The following FLACC1 variants were observed in gnomAD, a reference collection of about 807,000 sequenced individuals.
FLACC1 encodes the protein flagellum-associated coiled-coil domain-containing protein 1.
In FLACC1, 66 loss-of-function variants were observed where a neutral mutation model predicts 62.8. The observed-to-expected ratio is 1.05, with a 90% CI of 0.86 to 1.29. The LOEUF is 1.29. FLACC1 is among the 50% of genes most tolerant of loss of function. The pLI, the probability that FLACC1 is intolerant of heterozygous loss-of-function variation, is 0.00. For synonymous variants in FLACC1, 156 were observed against 161.0 expected (o/e 0.97, Z 0.24); for missense variants, 452 against 489.1 (o/e 0.92, Z 0.71).
At chr2:201,312,331 T>C (rs1015101563) in intron 9 of FLACC1, among the ~76,000 whole-genome samples, 1 of 152,146 alleles carries the variant, frequency 6.6e-6, no homozygotes, top group African/African-American at 2.4e-5. Flanking sequence ...CCATTCACTA[T>C]AGACACAAAA....
intron 5 of FLACC1, among the ~76,000 whole-genome samples, chr2:201,345,499 T>C (rs1477768474): frequency 1.3e-5 from 2 of 151,808 alleles, no homozygotes; most frequent in Non-Finnish European, 2.9e-5. Context: ...TGTGTGTGTG[T>C]TTTCTATTGT....
intron 12 of FLACC1, among the ~76,000 whole-genome samples, chr2:201,296,564 A>G (rs2349072): frequency 0.2 from 30,429 of 151,152 alleles, 3,333 homozygotes; most frequent in South Asian, 0.3. Flanking sequence ...CTAATGTTAA[A>G]TGACGAGTTA....
At chr2:201,339,462 T>C (rs1950762675) in intron 7 of FLACC1, among the ~76,000 whole-genome samples, 1 of 152,126 alleles carries the variant, frequency 6.6e-6, no homozygotes, top group African/African-American at 2.4e-5. Flanking sequence ...ATTTTGGGCT[T>C]GGTTTTCCAA....
At chr2:201,304,510 G>C (rs1171977172) in intron 11 of FLACC1, among the ~76,000 whole-genome samples, 1 of 152,094 alleles carries the variant, frequency 6.6e-6, no homozygotes, top group Non-Finnish European at 1.5e-5. Context: ...TACTGCCCAA[G>C]GTAATTTACA....
At chr2:201,318,939 AGG>A (rs1950350983) in intron 9 of FLACC1, among the ~76,000 whole-genome samples, 2 of 69,998 alleles carry the variant, frequency 2.9e-5, no homozygotes, top group African/African-American at 6.2e-5. Flanking sequence ...TTGGGGACTC[AGG>A]GGGAAAGAGT....
intron 9 of FLACC1, among the ~76,000 whole-genome samples, chr2:201,327,121 T>C (rs1291146814): frequency 6.6e-6 from 1 of 152,132 alleles, no homozygotes; most frequent in Admixed American, 6.6e-5. Context: ...GCAAGCCACA[T>C]GTAGAAAAAT....
At position 201,348,257 on chromosome 2, in the gene FLACC1, A is replaced by G. The variant is rs754805579; in HGVS notation, c.231T>C (p.Phe77=). The change falls in exon 4 of 15, where the codon TTT becomes TTC. Residue 77 remains phenylalanine, a synonymous_variant. Transcript: ENST00000392257. Reference sequence around the variant, plus strand: ...GCCCTCTCCTGCCTTTACTCACATAAAATGATTTATTAGTCTCTTCTTGCC... The same window carrying G: ...GCCCTCTCCTGCCTTTACTCACATAGAATGATTTATTAGTCTCTTCTTGCC... The part of the protein sequence containing the change: ...SARQEETNKS[F]YEVINVSPGY... The G allele has an allele frequency of 5.1e-5, 83 of 1,612,846 alleles. No homozygotes were observed. Among genetic ancestry groups the G allele is most frequent in the East Asian group, 1.3e-4 (6 of 44,834 alleles).
intron 1 of FLACC1, among the ~76,000 whole-genome samples, chr2:201,355,254 C>T (rs1404074152): frequency 1.3e-5 from 2 of 152,162 alleles, no homozygotes; most frequent in African/African-American, 2.4e-5. Context: ...CACTGCACTC[C>T]AGCCTGGATG....
chr2:201,346,758 C>A lies in FLACC1; in HGVS notation c.235-83G>T. 6.4e-7 allele frequency: 1 copy of A among 1,569,040 alleles called. No homozygotes were observed. Among genetic ancestry groups the A allele is most frequent in the East Asian group, 2.2e-5 (1 of 44,602 alleles). ...AAATCTTCTCTTATTGCCTCACTCA[C>A]ATCTTAAAAACAGGGACCTGGGACT... On this transcript the variant is annotated intron_variant, in intron 4 of 14. Transcript: ENST00000392257. This position sits in a 1 kb window ranked among gnomAD's most constrained non-coding sequence, Gnocchi z 4.0.
chr2:201,296,104 C>T (rs1487822263), intron 12 of FLACC1, among the ~76,000 whole-genome samples: 8 of 152,098 alleles, frequency 5.3e-5, no homozygotes, highest in Admixed American at 4.6e-4. Flanking sequence ...GTCAGTGTGG[C>T]GATTCCTCAG....
chr2:201,311,500 T>C (rs1280192134), intron 9 of FLACC1, among the ~76,000 whole-genome samples: 1 of 151,996 alleles, frequency 6.6e-6, no homozygotes, highest in Non-Finnish European at 1.5e-5. Context: ...GTCAGGAGAA[T>C]TGCTTGAGCC....
intron 11 of FLACC1, among the ~76,000 whole-genome samples, chr2:201,304,519 C>T (rs1258022227): frequency 2.6e-5 from 4 of 152,092 alleles, no homozygotes; most frequent in Non-Finnish European, 4.4e-5. Context: ...AGGTAATTTA[C>T]AGATTCAATG....
Position 201,296,590 on chromosome 2 carries a change from C to T in FLACC1, c.942+2648G>A, listed in dbSNP as rs181157319. ...TGACGAGTTACTGGGTGCAGCACACCAACATGGCACATGTATACATATGTA... is the reference window on the plus strand; with the variant it reads ...TGACGAGTTACTGGGTGCAGCACACTAACATGGCACATGTATACATATGTA... On this transcript the variant is annotated intron_variant, in intron 12 of 14. Coordinates refer to ENST00000392257, the MANE Select transcript of FLACC1 (RefSeq NM_001127391.3). Among the ~76,000 whole-genome samples, 5 of 151,928 alleles carry T rather than the reference C, an allele frequency of 3.3e-5. No individual in the cohort carries two copies. The East Asian group carries it at 9.7e-4, about 29-fold the overall frequency.
At chr2:201,342,288 T>C in intron 7 of FLACC1, 82 bp downstream of exon 7, 3 of 1,406,890 alleles carry the variant, frequency 2.1e-6, no homozygotes, top group Non-Finnish European at 3.0e-6. Flanking sequence ...CTATTTGAAG[T>C]CCCAGTGAAC....
chr2:201,354,252 T>C (rs1035533315), intron 1 of FLACC1, among the ~76,000 whole-genome samples: 1 of 152,198 alleles, frequency 6.6e-6, no homozygotes, highest in African/African-American at 2.4e-5. Flanking sequence ...CTGTGAGTCC[T>C]GTGCTAGATG....
intron 3 of FLACC1, among the ~76,000 whole-genome samples, chr2:201,348,894 C>A (rs925645532): frequency 6.6e-6 from 1 of 152,180 alleles, no homozygotes; most frequent in African/African-American, 2.4e-5. Context: ...TTGCATCACT[C>A]CAACCTCTGC....
chr2:201,304,790 C>T (rs1478768095), intron 11 of FLACC1, among the ~76,000 whole-genome samples: 1 of 152,154 alleles, frequency 6.6e-6, no homozygotes, highest in Non-Finnish European at 1.5e-5. Context: ...GCATCTACAA[C>T]AATCTGATCT....
intron 7 of FLACC1, among the ~76,000 whole-genome samples, chr2:201,335,515 C>T (rs948748948): frequency 6.6e-6 from 1 of 151,980 alleles, no homozygotes; most frequent in Non-Finnish European, 1.5e-5. Context: ...ATTTATAGGC[C>T]TCTATTCTGT....
At position 201,351,314 on chromosome 2, in the gene FLACC1, T is replaced by G; in HGVS notation, c.91A>C (p.Lys31Gln). 1 of 1,613,880 alleles carries G rather than the reference T, an allele frequency of 6.2e-7. No individual in the cohort carries two copies. The highest frequency in any genetic ancestry group is 8.5e-7 in the Non-Finnish European group (1 of 1,179,762). Residue 31 changes from lysine to glutamine, a missense_variant, in exon 2 of 15, where the codon AAG becomes CAG. Lys to Gln is a moderately conservative substitution (Grantham distance 53). Around this residue, in one of 3 missense-constraint regions of FLACC1, gnomAD observed 147 missense variants for 152.7 expected, o/e 0.96. Transcript: ENST00000392257. ...TACTTGGAACTCCCTGTGGAGTTCT[T>G]GCGTGGTAGTTGAGGGGTCTTGATT... ...KLIKTPQLPR[K>Q]NSTGSSKLTP...
Sources: gnomAD v4.1 joint callset for allele counts (sites outside exome capture counted in the v4.1 genomes callset) on GRCh38, gnomAD v4.1.1 for gene constraint, gnomAD v4.1.1 regional missense constraint, Gnocchi (gnomAD v3.1) non-coding constraint, MANE v1.5 for transcripts, NCBI Gene and HGNC (gene_info 2026-07-23, HGNC 2026-07-21) for gene names.